The following STAT4 variants were observed in gnomAD, a reference collection of about 807,000 sequenced individuals.
The protein encoded by STAT4 is signal transducer and activator of transcription 4.
A neutral mutation model predicts 110.5 loss-of-function variants in STAT4; 42 were observed. The observed-to-expected ratio is 0.38, with a 90% CI of 0.30 to 0.49. STAT4 has a LOEUF of 0.49. Ranked by LOEUF, STAT4 falls within the 20% of genes least tolerant of loss-of-function variation. The pLI is 0.95. For missense variants in STAT4, 632 were observed against 887.9 expected (o/e 0.71, Z 3.66); for synonymous variants, 284 against 302.2 (o/e 0.94, Z 0.63).
Position 191,030,981 on chromosome 2 carries a change from A to G in STAT4, c.2211T>C (p.Ile737=), listed in dbSNP as rs1467724611. 1 of 1,613,666 alleles carries G rather than the reference A, an allele frequency of 6.2e-7. No homozygotes were observed. Among genetic ancestry groups the G allele is most frequent in the Admixed American group, 1.7e-5 (1 of 60,014 alleles). Residue 737 remains isoleucine, a synonymous_variant, in exon 23 of 24, where the codon ATT becomes ATC. Transcript: ENST00000392320. This position sits in a 1 kb window ranked among gnomAD's most constrained non-coding sequence, Gnocchi z 4.4. ...VLRENLSPTT[I]ETAMKSPYSA... is the part of the protein sequence containing the mutation. The stretch of plus-strand genomic sequence containing the variant: ...AATAAAGGGAACATACTGCAGTTTC[A>G]ATTGTTGTGGGACTCAGGTTTTCTC...
intron 6 of STAT4, among the ~76,000 whole-genome samples, chr2:191,067,235 G>T (rs1697016865): frequency 6.6e-6 from 1 of 151,968 alleles, no homozygotes; most frequent in South Asian, 2.1e-4. Context: ...TGACATAGTG[G>T]TGGGGCTCAG....
intron 3 of STAT4, among the ~76,000 whole-genome samples, chr2:191,089,497 G>T (rs1445626006): frequency 6.6e-6 from 1 of 152,144 alleles, no homozygotes; most frequent in East Asian, 1.9e-4. Flanking sequence ...AAACAGTTTG[G>T]CAATTTGTTA....
At chr2:191,097,106 C>T (rs570999626) in intron 3 of STAT4, among the ~76,000 whole-genome samples, 3 of 152,158 alleles carry the variant, frequency 2.0e-5, no homozygotes, top group South Asian at 2.1e-4. Context: ...AACCACTGCT[C>T]GACGAAATAA....
At chr2:191,108,851 T>C (rs981522306) in intron 3 of STAT4, among the ~76,000 whole-genome samples, 1 of 152,184 alleles carries the variant, frequency 6.6e-6, no homozygotes, top group African/African-American at 2.4e-5. Flanking sequence ...CCTTCAAAAT[T>C]TGATAAAGAT....
intron 3 of STAT4, among the ~76,000 whole-genome samples, chr2:191,085,016 G>A (rs1371164034): frequency 1.3e-5 from 2 of 149,218 alleles, no homozygotes; most frequent in African/African-American, 4.9e-5. Context: ...TGTAATATTA[G>A]AAAATAGTAA....
At chr2:191,071,765 G>T (rs1697161749) in intron 5 of STAT4, among the ~76,000 whole-genome samples, 1 of 152,198 alleles carries the variant, frequency 6.6e-6, no homozygotes, top group African/African-American at 2.4e-5. Flanking sequence ...AGTCAGGCCA[G>T]GCTTCCTGGA....
At chr2:191,133,922 A>C (rs1000137003) in intron 3 of STAT4, among the ~76,000 whole-genome samples, 1 of 152,242 alleles carries the variant, frequency 6.6e-6, no homozygotes, top group African/African-American at 2.4e-5. Flanking sequence ...TCAGCAGCAA[A>C]AAGAAATGAG....
rs909769186 is a variant in STAT4, at chr2:191,130,545, A to G, written c.273+16068T>C. Among the ~76,000 whole-genome samples, 32 of 151,702 alleles carry G rather than the reference A, an allele frequency of 2.1e-4. No homozygotes were observed. In the Middle Eastern group the frequency reaches 0.027, roughly 129 times the overall value. Reference sequence around the variant, plus strand: ...CCTATCTCGCTTTTTTAAATAGATAATATATTTGTTATCCTCTGTTACTTT... The same window carrying G: ...CCTATCTCGCTTTTTTAAATAGATAGTATATTTGTTATCCTCTGTTACTTT... On this transcript the variant is annotated intron_variant, in intron 3 of 23. Coordinates refer to ENST00000392320, the MANE Select transcript of STAT4 (RefSeq NM_003151.4).
rs143811959 is a variant in STAT4 at position 191,066,725 on chromosome 2, G to A, written c.545-210C>T. On this transcript the variant is annotated intron_variant, in intron 6 of 23. Transcript: ENST00000392320. The surrounding 1 kb of genome is among the most constrained non-coding windows in gnomAD (Gnocchi z 4.3). ...TGCAAAAAAGGACCTCTTTATTTTA[G>A]AGCTTCAGGAAAAACCATTCTGCAC... Among the ~76,000 whole-genome samples the A allele has an allele frequency of 6.6e-6, 1 of 152,116 alleles. No homozygotes were observed. Among genetic ancestry groups the A allele is most frequent in the Non-Finnish European group, 1.5e-5 (1 of 67,986 alleles).
At position 191,112,123 on chromosome 2, in the gene STAT4, A is replaced by G. The variant is rs1698441482; in HGVS notation, c.273+34490T>C. On this transcript the variant is annotated intron_variant, in intron 3 of 23. Transcript: ENST00000392320. This position sits in a 1 kb window ranked among gnomAD's most constrained non-coding sequence, Gnocchi z 4.3. The stretch of plus-strand genomic sequence containing the variant: ...TTGTCAGATTGTACACTTTAAATAT[A>G]TATATATTGTATGTCATTATACCTC... Among the ~76,000 whole-genome samples, 2 of 152,206 alleles carry G rather than the reference A, an allele frequency of 1.3e-5. No homozygotes were observed. Among genetic ancestry groups the G allele is most frequent in the South Asian group, 4.1e-4 (2 of 4,824 alleles).
At chr2:191,094,718 A>G (rs1697912313) in intron 3 of STAT4, among the ~76,000 whole-genome samples, 1 of 152,192 alleles carries the variant, frequency 6.6e-6, no homozygotes, top group Non-Finnish European at 1.5e-5. Context: ...TCATAATGAC[A>G]GGATCAAACT....
rs1696488997 is a variant in STAT4 at position 191,050,446 on chromosome 2, G to C, written c.1251+4044C>G. Among the ~76,000 whole-genome samples, 1 of 152,172 alleles carries C rather than the reference G, an allele frequency of 6.6e-6. No individual in the cohort carries two copies. ...ATAGCGTGTCTACAGATTCCTCAAG[G>C]AATGTTGTGAAATTCCAAAGCAAAT... On this transcript the variant is annotated intron_variant, in intron 14 of 23. Coordinates refer to ENST00000392320, the MANE Select transcript of STAT4 (RefSeq NM_003151.4). The surrounding 1 kb of genome is among the most constrained non-coding windows in gnomAD (Gnocchi z 4.3).
At position 191,144,478 on chromosome 2, in the gene STAT4, T is replaced by C. The variant is rs574653068; in HGVS notation, c.273+2135A>G. ...AAGTAGTAGATCTATTTTTCTGAGG[T>C]AGGGATGTGGAGGAGCTCAAGGAAG... On this transcript the variant is annotated intron_variant, in intron 3 of 23. Transcript: ENST00000392320. This position sits in a 1 kb window ranked among gnomAD's most constrained non-coding sequence, Gnocchi z 4.7. 3.9e-5 allele frequency among the ~76,000 whole-genome samples: 6 copies of C among 151,920 alleles called. No homozygotes were observed. The South Asian group carries it at 1.2e-3, about 32-fold the overall frequency.
At chr2:191,131,567 G>GA (rs887390384) in intron 3 of STAT4, 18 of 323,698 alleles carry the variant, frequency 5.6e-5, no homozygotes, top group South Asian at 1.5e-4. Context: ...GCAACAAAAA[G>GA]AAAAAAAATG....
Position 191,066,408 on chromosome 2 carries a change from C to A in STAT4, c.630+22G>T. On this transcript the variant is annotated intron_variant, in intron 7 of 23. Transcript: ENST00000392320. This position sits in a 1 kb window ranked among gnomAD's most constrained non-coding sequence, Gnocchi z 4.3. ...AAAAGGAGAAAAATAGGCAAAAGCCCAAATTAAAATTCTTCACTAACCTTT... is the reference window on the plus strand; with the variant it reads ...AAAAGGAGAAAAATAGGCAAAAGCCAAAATTAAAATTCTTCACTAACCTTT... 1 of 1,604,806 alleles carries A rather than the reference C, an allele frequency of 6.2e-7. No homozygotes were observed. Among genetic ancestry groups the A allele is most frequent in the South Asian group, 1.1e-5 (1 of 90,782 alleles).
At chr2:191,081,176 C>T (rs923019003) in intron 3 of STAT4, among the ~76,000 whole-genome samples, 1 of 152,120 alleles carries the variant, frequency 6.6e-6, no homozygotes, top group South Asian at 2.1e-4. Flanking sequence ...TGAACTCATC[C>T]TTTTTTATGG....
In STAT4 at chr2:191,104,603, G is replaced by GTA. The variant is rs1698228005; in HGVS notation, c.274-28280_274-28279dup. The stretch of plus-strand genomic sequence containing the variant: ...GTCAACTTTTGATTTTGCTAAATAA[G>GTA]TATATATTAAACAAAGGTCCATAAC... On this transcript the variant is annotated intron_variant, in intron 3 of 23. Coordinates refer to ENST00000392320, the MANE Select transcript of STAT4 (RefSeq NM_003151.4). The surrounding 1 kb of genome is among the most constrained non-coding windows in gnomAD (Gnocchi z 4.3). Among the ~76,000 whole-genome samples the GTA allele has an allele frequency of 6.6e-6, 1 of 152,050 alleles. No individual in the cohort carries two copies. Among genetic ancestry groups the GTA allele is most frequent in the Non-Finnish European group, 1.5e-5 (1 of 67,998 alleles).
intron 16 of STAT4, among the ~76,000 whole-genome samples, chr2:191,038,267 A>G (rs1356615813): frequency 6.6e-6 from 1 of 152,176 alleles, no homozygotes; most frequent in Non-Finnish European, 1.5e-5. Context: ...CACCCTGCAC[A>G]GTCTTCCTCT....
chr2:191,134,372 T>C (rs1036248330), intron 3 of STAT4, among the ~76,000 whole-genome samples: 34 of 152,168 alleles, frequency 2.2e-4, no homozygotes, highest in Non-Finnish European at 1.2e-4. Context: ...GAAAGCCACC[T>C]AGAGGCTTAA....
Sources: gnomAD v4.1 joint callset for allele counts (sites outside exome capture counted in the v4.1 genomes callset) on GRCh38, gnomAD v4.1.1 for gene constraint, Gnocchi (gnomAD v3.1) non-coding constraint, MANE v1.5 for transcripts, NCBI Gene and HGNC (gene_info 2026-07-23, HGNC 2026-07-21) for gene names.